DMGDH: variants seen among roughly 807,000 people sequenced by gnomAD.
DMGDH encodes dimethylglycine dehydrogenase, mitochondrial.
DMGDH carries 76 observed loss-of-function variants against 95.2 expected under a neutral mutation model. The ratio of observed to expected loss-of-function variants is 0.80; its 90% CI spans 0.66 to 0.97. DMGDH has a LOEUF of 0.97. Ranked by LOEUF, DMGDH falls within the 50% of genes least tolerant of loss-of-function variation. The probability of loss-of-function intolerance (pLI) is 0.00; values close to 1 mark genes in which losing one functional copy is unlikely to be tolerated. For missense variants in DMGDH, 987 were observed against 1,055.0 expected, an observed-to-expected ratio of 0.94 and a Z score of 0.89; for synonymous variants, 345 against 377.6, an observed-to-expected ratio of 0.91 and a Z score of 1.00.
chr5:79,062,769 G>A (rs909366584), intron 2 of DMGDH, among the ~76,000 whole-genome samples: 1 of 152,078 alleles, frequency 6.6e-6, no homozygotes, highest in Non-Finnish European at 1.5e-5. Context: ...CAAGTCCTCA[G>A]GGGGCCAAAC....
intron 14 of DMGDH, chr5:79,020,869 G>A (rs1753848232): frequency 4.1e-6 from 4 of 985,382 alleles, no homozygotes; most frequent in Non-Finnish European, 4.8e-6. Context: ...GTGAATCTTC[G>A]TGGAGGTTCT....
chr5:79,054,567 A>T (rs631151), intron 3 of DMGDH, among the ~76,000 whole-genome samples: 1 of 151,992 alleles, frequency 6.6e-6, no homozygotes, highest in Non-Finnish European at 1.5e-5. Context: ...TCTAAGCCCC[A>T]CAGGTGTAGG....
intron 12 of DMGDH, among the ~76,000 whole-genome samples, chr5:79,027,357 T>C (rs1754031062): frequency 6.6e-6 from 1 of 151,940 alleles, no homozygotes; most frequent in Admixed American, 6.6e-5. Flanking sequence ...TTTGCCAACG[T>C]TGGGTGGAAG....
chr5:79,056,757 A>G (rs1755043516), intron 2 of DMGDH, among the ~76,000 whole-genome samples: 1 of 152,012 alleles, frequency 6.6e-6, no homozygotes, highest in African/African-American at 2.4e-5. Flanking sequence ...TGGGAGGCTG[A>G]GGCAGGAGAA....
chr5:79,021,205 T>A (rs1338082307), intron 14 of DMGDH: 2 of 998,762 alleles, frequency 2.0e-6, no homozygotes, highest in Non-Finnish European at 2.4e-6. Flanking sequence ...AAGATGGCAG[T>A]GTTGTATGCG....
chr5:79,036,307 C>T (rs1025810383), intron 7 of DMGDH, among the ~76,000 whole-genome samples: 6 of 152,216 alleles, frequency 3.9e-5, no homozygotes, highest in African/African-American at 1.4e-4. Flanking sequence ...GGTTCTTCTT[C>T]TGTCTCTAGC....
rs152259 is a variant in DMGDH, at chr5:79,034,171, C to G, written c.1194-763G>C. 5.9e-3 allele frequency among the ~76,000 whole-genome samples: 901 copies of G among 152,244 alleles called. 43 individuals are homozygous for G. The East Asian group carries it at 0.1, about 18-fold the overall frequency. The stretch of plus-strand genomic sequence containing the variant: ...ATATGTACTGTGGTGTCCCATCCAT[C>G]TCTTCTCAGACTCAAGTTAGTTCTG... On this transcript the variant is annotated intron_variant, in intron 7 of 15. Coordinates refer to ENST00000255189, the MANE Select transcript of DMGDH (RefSeq NM_013391.3).
intron 2 of DMGDH, among the ~76,000 whole-genome samples, chr5:79,061,666 T>A (rs1412410145): frequency 6.6e-6 from 1 of 152,136 alleles, no homozygotes; most frequent in Non-Finnish European, 1.5e-5. Flanking sequence ...ATGCCTGTAA[T>A]TCTAAAGTCT....
At chr5:79,047,046 T>C (rs1213974021) in intron 5 of DMGDH, among the ~76,000 whole-genome samples, 1 of 152,168 alleles carries the variant, frequency 6.6e-6, no homozygotes, top group Non-Finnish European at 1.5e-5. Context: ...TAGATATCTA[T>C]GGGGCTGGTG....
At chr5:79,015,524 A>G (rs919069107) in intron 14 of DMGDH, among the ~76,000 whole-genome samples, 1 of 152,216 alleles carries the variant, frequency 6.6e-6, no homozygotes, top group Non-Finnish European at 1.5e-5. Flanking sequence ...CTTTTCAAGT[A>G]TCATCTTTTG....
intron 15 of DMGDH, chr5:79,000,686 T>C (rs1050323872): frequency 3.6e-5 from 22 of 612,470 alleles, no homozygotes; most frequent in Admixed American, 2.2e-4. Context: ...GGTTTTTGTA[T>C]TGGAACATCT....
At chr5:79,005,244 C>T in intron 15 of DMGDH, 29 bp downstream of exon 15, 3 of 1,612,730 alleles carry the variant, frequency 1.9e-6, no homozygotes, top group Non-Finnish European at 2.5e-6. Context: ...GATGCCACAG[C>T]CCCTGGCAGT....
chr5:79,068,619 A>G lies in DMGDH; in HGVS notation c.101+901T>C, dbSNP rs549980043. ...ACTCAAAAGCAGGTCTTCTGATTCC[A>G]GAATTTCAGGTCATAGGACATAAAA... On this transcript the variant is annotated intron_variant, in intron 1 of 15. Coordinates refer to ENST00000255189, the MANE Select transcript of DMGDH (RefSeq NM_013391.3). Among the ~76,000 whole-genome samples, 11 of 152,360 alleles carry G rather than the reference A, an allele frequency of 7.2e-5. No homozygotes were observed. In the East Asian group the frequency reaches 1.9e-3, roughly 27 times the overall value.
intron 11 of DMGDH, among the ~76,000 whole-genome samples, chr5:79,028,868 G>T (rs143140685): frequency 6.6e-6 from 1 of 152,222 alleles, no homozygotes; most frequent in Non-Finnish European, 1.5e-5. Context: ...AATTTGGGGG[G>T]TAATTTTTCA....
rs1753387219 is a variant in DMGDH at position 78,997,910 on chromosome 5, C to T, written c.*172G>A. 1.3e-5 allele frequency: 9 copies of T among 668,504 alleles called. No homozygotes were observed. The East Asian group carries it at 2.5e-4, about 18-fold the overall frequency. The allele number at this position is 668,504 out of a possible 1,614,324, so 41.4% of individuals were successfully genotyped here. On this transcript the variant is annotated 3_prime_UTR_variant, in exon 16 of 16. Coordinates refer to ENST00000255189, the MANE Select transcript of DMGDH (RefSeq NM_013391.3). ...CAATGTAAATCATTTATCTATTATTCTGTCTTGCTTAGAAAACACTTAACA... is the reference window on the plus strand; with the variant it reads ...CAATGTAAATCATTTATCTATTATTTTGTCTTGCTTAGAAAACACTTAACA...
At chr5:79,026,136 T>C (rs751850496) in intron 13 of DMGDH, among the ~76,000 whole-genome samples, 3 of 152,084 alleles carry the variant, frequency 2.0e-5, no homozygotes, top group Non-Finnish European at 2.9e-5. Flanking sequence ...TGAAAAGTGT[T>C]ACTCTAATCC....
At chr5:79,038,721 G>C (rs375739036) in intron 7 of DMGDH, among the ~76,000 whole-genome samples, 5 of 152,256 alleles carry the variant, frequency 3.3e-5, no homozygotes, top group African/African-American at 1.2e-4. Context: ...GTGGAGAGGA[G>C]AGCAGTCCTA....
At chr5:79,000,415 T>C (rs1160557958) in intron 15 of DMGDH, 1 of 629,002 alleles carries the variant, frequency 1.6e-6, no homozygotes, top group Non-Finnish European at 3.1e-6. Flanking sequence ...CTTATTCTCA[T>C]ACAAGTTGGA....
chr5:79,019,328 T>A (rs7709472), intron 14 of DMGDH, among the ~76,000 whole-genome samples: 50,311 of 151,974 alleles, frequency 0.33, 9,095 homozygotes, highest in African/African-American at 0.48. Flanking sequence ...ATTTACATCC[T>A]TTCCACCACA....
Sources: allele counts gnomAD v4.1 joint callset (sites outside exome capture counted in the v4.1 genomes callset), GRCh38; gene constraint gnomAD v4.1.1; transcripts MANE v1.5; gene names NCBI Gene and HGNC (gene_info 2026-07-23, HGNC 2026-07-21).